The following IGSF3 variants were observed in gnomAD, a reference collection of about 807,000 sequenced individuals.
The protein encoded by IGSF3 is glu-Trp-Ile EWI motif-containing protein 3.
IGSF3 carries 23 observed loss-of-function variants against 114.4 expected under a neutral mutation model. The observed-to-expected ratio is 0.20, with a 90% CI of 0.14 to 0.28. IGSF3 has a LOEUF of 0.28. IGSF3 is among the 10% of genes least tolerant of loss of function. The pLI is 1.00. For missense variants in IGSF3, 1,172 were observed against 1,591.5 expected (o/e 0.74, Z 4.48); for synonymous variants, 571 against 645.2 (o/e 0.88, Z 1.74).
rs1647841016 is a variant in IGSF3, at chr1:116,636,580, T to C, written c.44-20123A>G. On this transcript the variant is annotated intron_variant, in intron 2 of 10. Transcript: ENST00000369486. The surrounding 1 kb of genome is among the most constrained non-coding windows in gnomAD (Gnocchi z 4.5). ...GAGTGGAGGAAAGAATGAACAGTCATCTGGCCCAGACTTGGAGAAGCTGTG... is the reference window on the plus strand; with the variant it reads ...GAGTGGAGGAAAGAATGAACAGTCACCTGGCCCAGACTTGGAGAAGCTGTG... 6.6e-6 allele frequency among the ~76,000 whole-genome samples: 1 copy of C among 152,186 alleles called. No individual in the cohort carries two copies. Among genetic ancestry groups the C allele is most frequent in the Non-Finnish European group, 1.5e-5 (1 of 68,022 alleles).
chr1:116,631,383 G>C (rs1395636390), intron 2 of IGSF3, among the ~76,000 whole-genome samples: 1 of 151,928 alleles, frequency 6.6e-6, no homozygotes, highest in Non-Finnish European at 1.5e-5. Flanking sequence ...AGCCACTGGG[G>C]GTGTAAATAA....
chr1:116,586,785 T>C (rs1039366190), intron 8 of IGSF3, among the ~76,000 whole-genome samples: 3 of 151,238 alleles, frequency 2.0e-5, no homozygotes, highest in African/African-American at 7.3e-5. Flanking sequence ...GTTCTTTCAG[T>C]AGAGAAAATA....
rs189817000 is a variant in IGSF3, at chr1:116,624,827, C to T, written c.44-8370G>A. On this transcript the variant is annotated intron_variant, in intron 2 of 10. Transcript: ENST00000369486. The surrounding 1 kb of genome is among the most constrained non-coding windows in gnomAD (Gnocchi z 4.9). Reference sequence around the variant, plus strand: ...GTCCTGAGGCCATGCTGTGAGGGGGCCCAAGGCACATGGAGAGGCCCTGGG... The same window carrying T: ...GTCCTGAGGCCATGCTGTGAGGGGGTCCAAGGCACATGGAGAGGCCCTGGG... Among the ~76,000 whole-genome samples, 901 of 152,316 alleles carry T rather than the reference C, an allele frequency of 5.9e-3. 13 individuals are homozygous for T. The highest frequency in any genetic ancestry group is 0.021 in the African/African-American group (857 of 41,564).
At chr1:116,660,628 C>T (rs552714820) in intron 2 of IGSF3, among the ~76,000 whole-genome samples, 2 of 151,872 alleles carry the variant, frequency 1.3e-5, no homozygotes, top group Non-Finnish European at 2.9e-5. Context: ...CAGGCACACA[C>T]CATCACGCCC....
In IGSF3 at chr1:116,627,886, G is replaced by A. The variant is rs980082264; in HGVS notation, c.44-11429C>T. 5.3e-5 allele frequency among the ~76,000 whole-genome samples: 8 copies of A among 152,152 alleles called. No individual in the cohort carries two copies. Among genetic ancestry groups the A allele is most frequent in the Non-Finnish European group, 1.0e-4 (7 of 68,026 alleles). On this transcript the variant is annotated intron_variant, in intron 2 of 10. Coordinates refer to ENST00000369486, the MANE Select transcript of IGSF3 (RefSeq NM_001007237.3). This position sits in a 1 kb window ranked among gnomAD's most constrained non-coding sequence, Gnocchi z 4.7. ...AGGCAGTGAATTGGGGTCTCCAAAG[G>A]AACCTCAGAGCCGTGTCCTACTCAG...
chr1:116,622,391 G>C (rs1204893411), intron 2 of IGSF3, among the ~76,000 whole-genome samples: 1 of 151,664 alleles, frequency 6.6e-6, no homozygotes, highest in Non-Finnish European at 1.5e-5. Context: ...ATAAATCTTT[G>C]TAAGTACAAG....
rs1397981799 is a variant in IGSF3 at position 116,649,694 on chromosome 1, A to G, written c.43+16590T>C. Among the ~76,000 whole-genome samples the G allele has an allele frequency of 2.0e-5, 3 of 152,230 alleles. No homozygotes were observed. The East Asian group carries it at 5.8e-4, about 29-fold the overall frequency. On this transcript the variant is annotated intron_variant, in intron 2 of 10. Transcript: ENST00000369486. This position sits in a 1 kb window ranked among gnomAD's most constrained non-coding sequence, Gnocchi z 4.5. Reference sequence around the variant, plus strand: ...TGGCCTTTTACTTTCTTCCCCTTCCAAAGAACCTGGTACCCAGCTACTTAA... The same window carrying G: ...TGGCCTTTTACTTTCTTCCCCTTCCGAAGAACCTGGTACCCAGCTACTTAA...
rs1163136870 is a variant in IGSF3 at position 116,636,996 on chromosome 1, A to C, written c.44-20539T>G. Among the ~76,000 whole-genome samples, 1 of 152,186 alleles carries C rather than the reference A, an allele frequency of 6.6e-6. No homozygotes were observed. Among genetic ancestry groups the C allele is most frequent in the African/African-American group, 2.4e-5 (1 of 41,428 alleles). On this transcript the variant is annotated intron_variant, in intron 2 of 10. Transcript: ENST00000369486. This position sits in a 1 kb window ranked among gnomAD's most constrained non-coding sequence, Gnocchi z 4.5. ...TTATAAAAAATTGTTGGGGGAGTACATTTGTAAGGAAGTTTGCCAGCAGAT... is the reference window on the plus strand; with the variant it reads ...TTATAAAAAATTGTTGGGGGAGTACCTTTGTAAGGAAGTTTGCCAGCAGAT...
intron 2 of IGSF3, among the ~76,000 whole-genome samples, chr1:116,653,123 G>C (rs968225147): frequency 1.3e-5 from 2 of 152,182 alleles, no homozygotes; most frequent in Non-Finnish European, 2.9e-5. Context: ...GGATGATCAT[G>C]GGCTAGGGAA....
Position 116,577,512 on chromosome 1 carries a change from CGAAGTA to C in IGSF3, c.3379_3384del (p.Tyr1127_Phe1128del), listed in dbSNP as rs1557851592. 1.2e-6 allele frequency: 2 copies of C among 1,613,890 alleles called. No homozygotes were observed. The highest frequency in any genetic ancestry group is 2.7e-5 in the African/African-American group (2 of 74,878). ...AAGATGGGGAAAGGGTAGAAGAAGACGAAGTAGAAGAGTGCGTCGTTGGAGCAGATG... is the reference window on the plus strand; with the variant it reads ...AAGATGGGGAAAGGGTAGAAGAAGACGAAGAGTGCGTCGTTGGAGCAGATG... On this transcript the variant is annotated inframe_deletion, in exon 11 of 11. Coordinates refer to ENST00000369486, the MANE Select transcript of IGSF3 (RefSeq NM_001007237.3). This position sits in a 1 kb window ranked among gnomAD's most constrained non-coding sequence, Gnocchi z 5.7.
Position 116,648,111 on chromosome 1 carries a change from GA to G in IGSF3, c.43+18172del, listed in dbSNP as rs1163942300. ...ACAGCAAGACTCCCTCTCAAAAAAAGAAAAAAAAGAGTGGCTACCCAAGAAC... is the reference window on the plus strand; with the variant it reads ...ACAGCAAGACTCCCTCTCAAAAAAAGAAAAAAAGAGTGGCTACCCAAGAAC... On this transcript the variant is annotated intron_variant, in intron 2 of 10. Transcript: ENST00000369486. This position sits in a 1 kb window ranked among gnomAD's most constrained non-coding sequence, Gnocchi z 4.7. Among the ~76,000 whole-genome samples, 2 of 151,416 alleles carry G rather than the reference GA, an allele frequency of 1.3e-5. No individual in the cohort carries two copies. The highest frequency in any genetic ancestry group is 4.9e-5 in the African/African-American group (2 of 41,220).
Position 116,584,927 on chromosome 1 carries a change from C to A in IGSF3, c.2566G>T (p.Val856Leu). Residue 856 changes from valine to leucine, a missense_variant, in exon 9 of 11, where the codon GTA becomes TTA. By Grantham distance (32) the Val-to-Leu change is conservative (BLOSUM62 1). Transcript: ENST00000369486. This position sits in a 1 kb window ranked among gnomAD's most constrained non-coding sequence, Gnocchi z 5.8. Reference protein sequence around the residue: ...ITSQLMVEWFVWKPNHPERET... With the variant: ...ITSQLMVEWFLWKPNHPERET... Reference sequence around the variant, plus strand: ...CGCTCAGGGTGGTTGGGCTTCCATACAAACCATTCCACCATGAGCTGGGAG... The same window carrying A: ...CGCTCAGGGTGGTTGGGCTTCCATAAAAACCATTCCACCATGAGCTGGGAG... 1 of 1,613,682 alleles carries A rather than the reference C, an allele frequency of 6.2e-7. No homozygotes were observed.
chr1:116,652,125 T>A (rs1648656409), intron 2 of IGSF3, among the ~76,000 whole-genome samples: 1 of 152,216 alleles, frequency 6.6e-6, no homozygotes, highest in African/African-American at 2.4e-5. Flanking sequence ...AAGGTTGAGT[T>A]AGGTCTTCAT....
intron 2 of IGSF3, among the ~76,000 whole-genome samples, chr1:116,637,227 C>G (rs1206578800): frequency 6.6e-6 from 1 of 152,190 alleles, no homozygotes; most frequent in South Asian, 2.1e-4. Flanking sequence ...CCACTAATGG[C>G]AGCCAGGGGA....
rs1660551903 is a variant in IGSF3 at position 116,600,911 on chromosome 1, T to C, written c.1625-566A>G. ...CTCCAGTGGGGTGGGACAATTATCC[T>C]AAATGCAGGGTTCTGCAGGCTCAGC... is the stretch of plus-strand genomic sequence containing the variant. On this transcript the variant is annotated intron_variant, in intron 6 of 10. Transcript: ENST00000369486. The surrounding 1 kb of genome is among the most constrained non-coding windows in gnomAD (Gnocchi z 5.5). Among the ~76,000 whole-genome samples, 2 of 152,236 alleles carry C rather than the reference T, an allele frequency of 1.3e-5. No individual in the cohort carries two copies. The highest frequency in any genetic ancestry group is 4.8e-5 in the African/African-American group (2 of 41,518).
At position 116,577,371 on chromosome 1, in the gene IGSF3, A is replaced by G; in HGVS notation, c.3526T>C (p.Tyr1176His). 1 of 1,614,094 alleles carries G rather than the reference A, an allele frequency of 6.2e-7. No individual in the cohort carries two copies. Among genetic ancestry groups the G allele is most frequent in the Non-Finnish European group, 8.5e-7 (1 of 1,179,996 alleles). ...GGGGGCTCCAGGCAAGTAGGGGAGT[A>G]GTTGAGGTGTGGCTCTTTGATCCAC... ...LLWIKEPHLN[Y>H]SPTCLEPPVL... is the part of the protein sequence containing the mutation. The change falls in exon 11 of 11, where the codon TAC becomes CAC. Residue 1176 changes from tyrosine to histidine, a missense_variant. By Grantham distance (83) the Tyr-to-His change is moderately conservative. Coordinates refer to ENST00000369486, the MANE Select transcript of IGSF3 (RefSeq NM_001007237.3). The surrounding 1 kb of genome is among the most constrained non-coding windows in gnomAD (Gnocchi z 5.7).
In IGSF3 at chr1:116,634,486, G is replaced by A. The variant is rs1647732695; in HGVS notation, c.44-18029C>T. On this transcript the variant is annotated intron_variant, in intron 2 of 10. Transcript: ENST00000369486. This position sits in a 1 kb window ranked among gnomAD's most constrained non-coding sequence, Gnocchi z 4.2. ...CACCTGGCTTTCCTCCTCTCTCCCT[G>A]CCCACATCTCCTCAGTCACTCGCTG... Among the ~76,000 whole-genome samples, 2 of 151,356 alleles carry A rather than the reference G, an allele frequency of 1.3e-5. No individual in the cohort carries two copies. Among genetic ancestry groups the A allele is most frequent in the Admixed American group, 1.3e-4 (2 of 15,250 alleles).
intron 2 of IGSF3, among the ~76,000 whole-genome samples, chr1:116,623,308 T>C (rs1661476633): frequency 6.6e-6 from 1 of 152,222 alleles, no homozygotes; most frequent in Non-Finnish European, 1.5e-5. Context: ...GCAACAGCCC[T>C]CTGAGGTCAA....
rs74111636 is a variant in IGSF3, at chr1:116,589,965, C to T, written c.2030-861G>A. On this transcript the variant is annotated intron_variant, in intron 7 of 10. Coordinates refer to ENST00000369486, the MANE Select transcript of IGSF3 (RefSeq NM_001007237.3). The surrounding 1 kb of genome is among the most constrained non-coding windows in gnomAD (Gnocchi z 5.7). ...TAGCACAGCACCTGGGCCAGGAAAG[C>T]ATTTGATCAGTGTTTGCTGAAATAG... Among the ~76,000 whole-genome samples the T allele has an allele frequency of 0.033, 4,977 of 152,108 alleles. 235 individuals are homozygous for T. Among genetic ancestry groups the T allele is most frequent in the African/African-American group, 0.11 (4,610 of 41,446 alleles).
Sources: allele counts gnomAD v4.1 joint callset (sites outside exome capture counted in the v4.1 genomes callset), GRCh38; gene constraint gnomAD v4.1.1; non-coding constraint Gnocchi (gnomAD v3.1); transcripts MANE v1.5; gene names NCBI Gene and HGNC (gene_info 2026-07-23, HGNC 2026-07-21).